Variants in GALNT16 observed in about 807,000 individuals in gnomAD.
The protein encoded by GALNT16 is polypeptide N-acetylgalactosaminyltransferase 16, also known as UDP-GalNAc:polypeptide N-acetylgalactosaminyltransferase-like protein 1.
GALNT16 carries 40 observed loss-of-function variants against 76.1 expected under a neutral mutation model. That is an observed-to-expected ratio of 0.53 (90% CI 0.41 to 0.68). The LOEUF (loss-of-function observed/expected upper bound fraction) is 0.68. Among genes scored for constraint, GALNT16 ranks in the 30% least tolerant of loss-of-function variants. GALNT16 has a pLI of 0.00. For missense variants in GALNT16, 621 were observed against 731.9 expected, an observed-to-expected ratio of 0.85 and a Z score of 1.75; for synonymous variants, 276 against 285.2, an observed-to-expected ratio of 0.97 and a Z score of 0.32.
At chr14:69,262,716 C>G (rs767544057) in intron 1 of GALNT16, among the ~76,000 whole-genome samples, 11 of 152,070 alleles carry the variant, frequency 7.2e-5, no homozygotes, top group Admixed American at 4.6e-4. Context: ...CTGACCCCCC[C>G]GTCAGGCACC....
chr14:69,344,044 A>G (rs938122662), intron 12 of GALNT16, among the ~76,000 whole-genome samples: 2 of 152,168 alleles, frequency 1.3e-5, no homozygotes, highest in African/African-American at 4.8e-5. Flanking sequence ...CAATTTGCTG[A>G]TTAGAAAGGG....
rs545409254 is a variant in GALNT16, at chr14:69,305,978, A to G, written c.178-14733A>G. Among the ~76,000 whole-genome samples, 4 of 152,268 alleles carry G rather than the reference A, an allele frequency of 2.6e-5. No individual in the cohort carries two copies. The South Asian group carries it at 8.3e-4, about 32-fold the overall frequency. Reference sequence around the variant, plus strand: ...TAGGGGCCCAGTTCCATTCTTTTGCATGTGGATATCATGTTTTCCCAGCAC... The same window carrying G: ...TAGGGGCCCAGTTCCATTCTTTTGCGTGTGGATATCATGTTTTCCCAGCAC... On this transcript the variant is annotated intron_variant, in intron 1 of 14. Coordinates refer to ENST00000448469, the MANE Select transcript of GALNT16 (RefSeq NM_001168368.2).
In GALNT16 at chr14:69,326,009, C is replaced by T. The variant is rs749308432; in HGVS notation, c.550C>T (p.Arg184Cys). ...LTRIPKVKCL[R>C]NDRREGLIRS... ...CAGGATCCCCAAGGTCAAGTGCCTG[C>T]GCAATGATCGGCGGGAAGGTGAGTC... The change falls in exon 5 of 15, where the codon CGC (arginine) becomes TGC (cysteine). Residue 184 changes from arginine (R) to cysteine (C), a missense_variant. Arg to Cys is a radical substitution (Grantham distance 180). Coordinates refer to ENST00000448469, the MANE Select transcript of GALNT16 (RefSeq NM_001168368.2). The T allele has an allele frequency of 2.7e-5, 44 of 1,613,726 alleles. No individual in the cohort carries two copies. The highest frequency in any genetic ancestry group is 1.6e-4 in the Middle Eastern group (1 of 6,084).
intron 1 of GALNT16, among the ~76,000 whole-genome samples, chr14:69,285,082 C>T (rs1464069260): frequency 2.7e-5 from 4 of 149,064 alleles, no homozygotes; most frequent in South Asian, 2.2e-4. Context: ...GCTCTTTCGC[C>T]CAGGCTGGAG....
intron 10 of GALNT16, 104 bp from the exon 11 acceptor site, chr14:69,339,423 G>A: frequency 1.3e-6 from 1 of 777,404 alleles, no homozygotes; most frequent in South Asian, 1.4e-5. Flanking sequence ...CCTTGCTCCT[G>A]AGATTCTCAT....
chr14:69,372,206 G>A, the GALNT16 span, among the ~76,000 whole-genome samples: 4 of 152,108 alleles, frequency 2.6e-5, no homozygotes, highest in Admixed American at 2.6e-4. Flanking sequence ...GGGGGTTGGA[G>A]TGCCTATCAA....
At chr14:69,270,814 G>A (rs1026453889) in intron 1 of GALNT16, among the ~76,000 whole-genome samples, 1 of 152,208 alleles carries the variant, frequency 6.6e-6, no homozygotes, top group Non-Finnish European at 1.5e-5. Context: ...CAGGGATGAG[G>A]GGAAGTGCAG....
rs749874322 is a variant in GALNT16, at chr14:69,341,674, C to T, written c.1188-7C>T. 1.9e-6 allele frequency: 3 copies of T among 1,605,526 alleles called. No homozygotes were observed. Among genetic ancestry groups the T allele is most frequent in the Non-Finnish European group, 2.6e-6 (3 of 1,174,190 alleles). On this transcript the variant is annotated splice_region_variant and splice_polypyrimidine_tract_variant and intron_variant, in intron 11 of 14. Coordinates refer to ENST00000448469, the MANE Select transcript of GALNT16 (RefSeq NM_001168368.2). Reference sequence around the variant, plus strand: ...GGCCAAAGCCCAAGCCCTGCCTCCTCCTACAGTGTGGCTACGCGGATAGAG... The same window carrying T: ...GGCCAAAGCCCAAGCCCTGCCTCCTTCTACAGTGTGGCTACGCGGATAGAG...
the GALNT16 span, among the ~76,000 whole-genome samples, chr14:69,382,794 GA>G: frequency 0.023 from 2,799 of 119,994 alleles, 40 homozygotes; most frequent in Non-Finnish European, 0.021. Flanking sequence ...ATCTCCAAAA[GA>G]AAAAAAAAAA....
chr14:69,305,003 G>A (rs899482775), intron 1 of GALNT16, among the ~76,000 whole-genome samples: 6 of 146,512 alleles, frequency 4.1e-5, no homozygotes, highest in Non-Finnish European at 9.0e-5. Flanking sequence ...CTTGCTGGAT[G>A]TTATGGAAGT....
intron 1 of GALNT16, among the ~76,000 whole-genome samples, chr14:69,302,801 A>G (rs2044872668): frequency 6.6e-6 from 1 of 152,230 alleles, no homozygotes; most frequent in Non-Finnish European, 1.5e-5. Flanking sequence ...CCCAATTTGA[A>G]TTTTAGATAA....
chr14:69,271,583 C>T (rs576551470), intron 1 of GALNT16, among the ~76,000 whole-genome samples: 156 of 152,324 alleles, frequency 1.0e-3, no homozygotes, highest in African/African-American at 3.5e-3. Flanking sequence ...CAGTGGTTGC[C>T]GGCCACAGGT....
chr14:69,330,243 A>G (rs1357404439), intron 6 of GALNT16, among the ~76,000 whole-genome samples: 1 of 152,264 alleles, frequency 6.6e-6, no homozygotes, highest in East Asian at 1.9e-4. Context: ...TTATCCAGAC[A>G]TTAAAAAAAT....
the GALNT16 span, among the ~76,000 whole-genome samples, chr14:69,374,474 T>C: frequency 6.6e-6 from 1 of 152,212 alleles, no homozygotes; most frequent in Non-Finnish European, 1.5e-5. Context: ...CATTTTCCTA[T>C]GCTACCTCAT....
At chr14:69,330,615 G>A (rs1043635935) in intron 6 of GALNT16, among the ~76,000 whole-genome samples, 11 of 152,312 alleles carry the variant, frequency 7.2e-5, no homozygotes, top group East Asian at 3.9e-4. Flanking sequence ...CCGGGCTTCC[G>A]TTATCCTGAT....
the GALNT16 span, among the ~76,000 whole-genome samples, chr14:69,378,204 T>TG: frequency 6.6e-6 from 1 of 152,206 alleles, no homozygotes; most frequent in African/African-American, 2.4e-5. Flanking sequence ...GTGAGATCGT[T>TG]GAACTCTTTT....
At position 69,333,796 on chromosome 14, in the gene GALNT16, A is replaced by G. The variant is rs1051000930; in HGVS notation, c.967+196A>G. The G allele has an allele frequency of 7.3e-6, 4 of 547,946 alleles. No individual in the cohort carries two copies. The highest frequency in any genetic ancestry group is 1.3e-5 in the Non-Finnish European group (4 of 313,608). 33.9% of individuals were successfully genotyped at this position (547,946 alleles called of 1,614,324 possible). On this transcript the variant is annotated intron_variant, in intron 9 of 14. Coordinates refer to ENST00000448469, the MANE Select transcript of GALNT16 (RefSeq NM_001168368.2). This position sits in a 1 kb window ranked among gnomAD's most constrained non-coding sequence, Gnocchi z 4.2. ...GATTTTAAAACCCAAGGCACAGAGA[A>G]GTTAAGCAATTTGTCCAGAGCCACA...
chr14:69,377,729 C>T, the GALNT16 span, among the ~76,000 whole-genome samples: 1 of 134,268 alleles, frequency 7.4e-6, no homozygotes, highest in African/African-American at 2.8e-5. Context: ...ATCACCTGAG[C>T]CTGGGAGATT....
intron 1 of GALNT16, among the ~76,000 whole-genome samples, chr14:69,289,990 C>T (rs2044668798): frequency 6.6e-6 from 1 of 152,140 alleles, no homozygotes; most frequent in South Asian, 2.1e-4. Flanking sequence ...CCGCTCGCCT[C>T]GGCCTCCCAA....
Sources: allele counts gnomAD v4.1 joint callset (sites outside exome capture counted in the v4.1 genomes callset), GRCh38; gene constraint gnomAD v4.1.1; non-coding constraint Gnocchi (gnomAD v3.1); transcripts MANE v1.5; gene names NCBI Gene and HGNC (gene_info 2026-07-23, HGNC 2026-07-21).